NRXN3: variants seen among roughly 807,000 people sequenced by gnomAD.
The protein encoded by NRXN3 is neurexin 3.
NRXN3 carries 32 observed loss-of-function variants against 137.6 expected under a neutral mutation model. The observed-to-expected ratio is 0.23, with a 90% CI of 0.18 to 0.31. The LOEUF (loss-of-function observed/expected upper bound fraction) is 0.31. NRXN3 is among the 10% of genes least tolerant of loss of function. The pLI is 1.00. For missense variants in NRXN3, 1,574 were observed against 2,062.5 expected, an observed-to-expected ratio of 0.76 and a Z score of 4.59; for synonymous variants, 798 against 784.5, an observed-to-expected ratio of 1.02 and a Z score of -0.29.
chr14:78,341,659 G>A (rs1263575182), intron 4 of NRXN3, among the ~76,000 whole-genome samples: 2 of 152,180 alleles, frequency 1.3e-5, no homozygotes, highest in South Asian at 2.1e-4. Context: ...CTGGTGCAAG[G>A]AAGGGAAGGC....
chr14:79,265,157 C>T lies in NRXN3; in HGVS notation c.3263-202064C>T, dbSNP rs967450485. 6.7e-5 allele frequency among the ~76,000 whole-genome samples: 10 copies of T among 148,906 alleles called. No homozygotes were observed. In the South Asian group the frequency reaches 1.5e-3, roughly 22 times the overall value. On this transcript the variant is annotated intron_variant, in intron 15 of 20. Transcript: ENST00000335750. ...TTTGGGTCCTCCAAGTGATCATCTTCGTGTAACATAAATCAAACAACCAAA... is the reference window on the plus strand; with the variant it reads ...TTTGGGTCCTCCAAGTGATCATCTTTGTGTAACATAAATCAAACAACCAAA...
At chr14:78,278,753 A>G in intron 3 of NRXN3, 91 bp downstream of exon 3, 1 of 1,057,044 alleles carries the variant, frequency 9.5e-7, no homozygotes, top group Non-Finnish European at 1.4e-6. Context: ...TTATAGAGAC[A>G]AAATTCTAAG....
chr14:78,393,047 G>C (rs2090979587), intron 4 of NRXN3, among the ~76,000 whole-genome samples: 2 of 152,088 alleles, frequency 1.3e-5, no homozygotes, highest in Non-Finnish European at 2.9e-5. Context: ...CTGATTCTCT[G>C]AGCTCTAGAT....
chr14:78,326,227 A>G (rs190837906), intron 4 of NRXN3, among the ~76,000 whole-genome samples: 66 of 152,276 alleles, frequency 4.3e-4, no homozygotes, highest in African/African-American at 1.6e-3. Flanking sequence ...GGTGCCAGAG[A>G]CACGAGTACC....
At chr14:79,601,971 T>C (rs1040630415) in intron 16 of NRXN3, among the ~76,000 whole-genome samples, 2 of 119,494 alleles carry the variant, frequency 1.7e-5, no homozygotes, top group African/African-American at 6.0e-5. Context: ...ATATTATGAA[T>C]TTATCTTCTT....
intron 16 of NRXN3, among the ~76,000 whole-genome samples, chr14:79,583,533 T>TGGTGGAGGAAGAAGGTGG (rs2097737044): frequency 6.6e-6 from 1 of 152,134 alleles, no homozygotes; most frequent in African/African-American, 2.4e-5. Context: ...AAGTGTGCTT[T>TGGTGGAGGAAGAAGGTGG]TGTTGGTGGA....
intron 15 of NRXN3, among the ~76,000 whole-genome samples, chr14:79,371,701 G>C (rs1045663401): frequency 6.6e-6 from 1 of 152,094 alleles, no homozygotes; most frequent in Non-Finnish European, 1.5e-5. Context: ...TCAATGATCA[G>C]TATGGATCAT....
chr14:79,284,378 A>ATATC (rs1566667244), intron 15 of NRXN3, among the ~76,000 whole-genome samples: 1 of 123,018 alleles, frequency 8.1e-6, no homozygotes, highest in African/African-American at 3.7e-5. Context: ...ATATATATAT[A>ATATC]TATATATGTA....
At chr14:79,265,444 C>T (rs1047079518) in intron 15 of NRXN3, among the ~76,000 whole-genome samples, 1 of 151,762 alleles carries the variant, frequency 6.6e-6, no homozygotes, top group Non-Finnish European at 1.5e-5. Flanking sequence ...TACCCTAGTG[C>T]CAATGGTAGC....
At chr14:79,063,876 A>G (rs768519102) in intron 15 of NRXN3, among the ~76,000 whole-genome samples, 1 of 152,208 alleles carries the variant, frequency 6.6e-6, no homozygotes. Flanking sequence ...GACTTGAGAA[A>G]AAATAAAAAT....
chr14:79,127,541 G>C (rs1335712005), intron 15 of NRXN3, among the ~76,000 whole-genome samples: 1 of 152,194 alleles, frequency 6.6e-6, no homozygotes, highest in Non-Finnish European at 1.5e-5. Context: ...CTATAACTCT[G>C]TTTTGGTACC....
At chr14:79,740,693 G>T (rs2098957940) in intron 19 of NRXN3, among the ~76,000 whole-genome samples, 1 of 109,542 alleles carries the variant, frequency 9.1e-6, no homozygotes, top group Non-Finnish European at 1.8e-5. Flanking sequence ...CCTTTCCACT[G>T]GACTTTGCAT....
At chr14:78,466,963 A>G (rs2095124642) in intron 4 of NRXN3, among the ~76,000 whole-genome samples, 1 of 152,166 alleles carries the variant, frequency 6.6e-6, no homozygotes, top group East Asian at 1.9e-4. Flanking sequence ...TGTGTAACAA[A>G]CCTGCACATG....
intron 15 of NRXN3, among the ~76,000 whole-genome samples, chr14:79,306,739 A>G (rs1200815056): frequency 1.3e-5 from 2 of 152,092 alleles, no homozygotes; most frequent in African/African-American, 4.8e-5. Context: ...AGTTGTCGGC[A>G]AATTGCAATC....
chr14:78,708,664 C>T (rs544579830), intron 6 of NRXN3: 1 of 153,080 alleles, frequency 6.5e-6, no homozygotes, highest in Non-Finnish European at 1.5e-5. Context: ...CATATAATGC[C>T]CCCACGCCCC....
intron 15 of NRXN3, among the ~76,000 whole-genome samples, chr14:79,402,905 G>A (rs2095240147): frequency 6.6e-6 from 1 of 152,068 alleles, no homozygotes; most frequent in African/African-American, 2.4e-5. Flanking sequence ...TCAGTGAGTT[G>A]ATTAAATTTA....
chr14:78,864,798 C>T (rs2099082393), intron 10 of NRXN3, among the ~76,000 whole-genome samples: 1 of 152,036 alleles, frequency 6.6e-6, no homozygotes, highest in Admixed American at 6.6e-5. Flanking sequence ...TGGGCATGGC[C>T]TGATGGTAAT....
chr14:79,187,206 C>A (rs112133257), intron 15 of NRXN3, among the ~76,000 whole-genome samples: 1 of 152,142 alleles, frequency 6.6e-6, no homozygotes, highest in African/African-American at 2.4e-5. Context: ...GTACCATGAG[C>A]GGAGTCAGAG....
chr14:78,686,123 A>G (rs2098123837), intron 6 of NRXN3, among the ~76,000 whole-genome samples: 1 of 152,222 alleles, frequency 6.6e-6, no homozygotes, highest in Non-Finnish European at 1.5e-5. Context: ...TCATGAAAGT[A>G]AAACTGCATC....
Sources: gnomAD v4.1 joint callset for allele counts (sites outside exome capture counted in the v4.1 genomes callset) on GRCh38, gnomAD v4.1.1 for gene constraint, MANE v1.5 for transcripts, NCBI Gene and HGNC (gene_info 2026-07-23, HGNC 2026-07-21) for gene names.